CNTN4: variants seen among roughly 807,000 people sequenced by gnomAD.
The protein encoded by CNTN4 is contactin 4, also known as contactin-4.
A neutral mutation model predicts 122.5 loss-of-function variants in CNTN4; 77 were observed. The observed-to-expected ratio is 0.63, with a 90% CI of 0.52 to 0.76. The LOEUF (loss-of-function observed/expected upper bound fraction) is 0.76, where lower values mean the gene tolerates loss of function less well. Ranked by LOEUF, CNTN4 falls within the 30% of genes least tolerant of loss-of-function variation. CNTN4 has a pLI of 0.00. For synonymous variants in CNTN4, 512 were observed against 447.0 expected, an observed-to-expected ratio of 1.15 and a Z score of -1.83; for missense variants, 1,256 against 1,259.1, an observed-to-expected ratio of 1.00 and a Z score of 0.04.
chr3:2,377,415 A>C (rs2045862071), intron 3 of CNTN4, among the ~76,000 whole-genome samples: 1 of 152,188 alleles, frequency 6.6e-6, no homozygotes, highest in Non-Finnish European at 1.5e-5. Context: ...TTCCTCACCC[A>C]CACACAGGTT....
intron 7 of CNTN4, among the ~76,000 whole-genome samples, chr3:2,843,810 C>G (rs1023698365): frequency 1.3e-5 from 2 of 152,156 alleles, no homozygotes; most frequent in African/African-American, 4.8e-5. Context: ...AGCTAATTTT[C>G]TTATAAATTA....
intron 6 of CNTN4, among the ~76,000 whole-genome samples, chr3:2,811,579 G>T (rs1328553032): frequency 6.7e-6 from 1 of 150,138 alleles, no homozygotes; most frequent in Non-Finnish European, 1.5e-5. Flanking sequence ...TCCTGCCTCA[G>T]CGTCCCGAGT....
chr3:2,117,604 C>G (rs2033450621), intron 2 of CNTN4, among the ~76,000 whole-genome samples: 1 of 152,324 alleles, frequency 6.6e-6, no homozygotes, highest in African/African-American at 2.4e-5. Context: ...CATCCTGAAG[C>G]TACCCAGTAG....
intron 5 of CNTN4, among the ~76,000 whole-genome samples, chr3:2,740,095 G>A (rs2089375626): frequency 6.6e-6 from 1 of 152,074 alleles, no homozygotes; most frequent in South Asian, 2.1e-4. Flanking sequence ...AGTGGCTCAC[G>A]CCTGTAATCC....
chr3:2,531,887 C>A (rs2077610292), intron 3 of CNTN4, among the ~76,000 whole-genome samples: 1 of 152,118 alleles, frequency 6.6e-6, no homozygotes. Context: ...CAGAAATAAC[C>A]TGTGGCAGTG....
At chr3:2,281,599 T>C (rs2041717159) in intron 2 of CNTN4, among the ~76,000 whole-genome samples, 2 of 152,148 alleles carry the variant, frequency 1.3e-5, no homozygotes, top group Admixed American at 6.6e-5. Context: ...AATGTCATTA[T>C]ATACCAACTG....
At chr3:2,410,727 C>A (rs2047198174) in intron 3 of CNTN4, among the ~76,000 whole-genome samples, 1 of 152,132 alleles carries the variant, frequency 6.6e-6, no homozygotes. Flanking sequence ...TAGAATACAT[C>A]TCCTTTACTG....
chr3:2,925,243 T>C (rs1233730227), intron 12 of CNTN4, among the ~76,000 whole-genome samples: 3 of 152,166 alleles, frequency 2.0e-5, no homozygotes, highest in Non-Finnish European at 4.4e-5. Context: ...ATGACCAAGG[T>C]AGCAATAAGT....
chr3:2,561,282 C>T (rs533710847), intron 3 of CNTN4, among the ~76,000 whole-genome samples: 6 of 152,260 alleles, frequency 3.9e-5, no homozygotes, highest in South Asian at 4.1e-4. Context: ...TGGCACTCTG[C>T]AGCACACCAG....
At chr3:2,123,842 C>A (rs965699554) in intron 2 of CNTN4, among the ~76,000 whole-genome samples, 2 of 152,188 alleles carry the variant, frequency 1.3e-5, no homozygotes, top group African/African-American at 4.8e-5. Flanking sequence ...TAGCACTGGT[C>A]ATCCTGACTC....
intron 7 of CNTN4, among the ~76,000 whole-genome samples, chr3:2,833,208 A>G (rs12636421): frequency 0.47 from 70,707 of 151,886 alleles, 18,658 homozygotes; most frequent in East Asian, 0.8. Context: ...AAAGATGCCA[A>G]TGTTAAAAGA....
intron 2 of CNTN4, among the ~76,000 whole-genome samples, chr3:2,106,402 C>T (rs1309518343): frequency 3.9e-5 from 6 of 152,152 alleles, no homozygotes; most frequent in Non-Finnish European, 7.4e-5. Context: ...CCAGGCATTT[C>T]CGTACATCTA....
chr3:2,632,602 C>A (rs2082492353), intron 4 of CNTN4, among the ~76,000 whole-genome samples: 1 of 152,278 alleles, frequency 6.6e-6, no homozygotes, highest in East Asian at 1.9e-4. Context: ...ACAGTATTAT[C>A]CTTGAGCCTC....
In CNTN4 at chr3:2,291,110, C is replaced by T. The variant is rs868294794; in HGVS notation, c.-144-48068C>T. On this transcript the variant is annotated intron_variant, in intron 2 of 24. Coordinates refer to ENST00000418658, the MANE Select transcript of CNTN4 (RefSeq NM_175607.3). ...TCCATGGCCACTGAGAATCTAGACC[C>T]CATCACTGCAGATGTGATGATATTT... Among the ~76,000 whole-genome samples the T allele has an allele frequency of 3.4e-4, 51 of 152,192 alleles. 1 individual carries two copies. The highest frequency in any genetic ancestry group is 1.2e-3 in the African/African-American group (48 of 41,518).
chr3:3,033,437 T>G (rs1699348653), intron 16 of CNTN4, among the ~76,000 whole-genome samples: 1 of 152,232 alleles, frequency 6.6e-6, no homozygotes, highest in Non-Finnish European at 1.5e-5. Flanking sequence ...ACGTAAACGG[T>G]GAAGGAGTGA....
chr3:3,037,387 G>T, intron 18 of CNTN4, 59 bp downstream of exon 18: 2 of 1,610,816 alleles, frequency 1.2e-6, no homozygotes, highest in Non-Finnish European at 1.7e-6. Context: ...CTTAGGAAAA[G>T]CGTTTGAATT....
intron 4 of CNTN4, among the ~76,000 whole-genome samples, chr3:2,623,550 G>A (rs780036275): frequency 6.6e-5 from 10 of 152,318 alleles, no homozygotes; most frequent in Non-Finnish European, 8.8e-5. Flanking sequence ...GTGCAAACAA[G>A]CATGATGAAT....
chr3:2,132,896 G>A (rs889412137), intron 2 of CNTN4, among the ~76,000 whole-genome samples: 1 of 152,154 alleles, frequency 6.6e-6, no homozygotes, highest in African/African-American at 2.4e-5. Flanking sequence ...AAGTGACAGC[G>A]AGTCAAAGAA....
chr3:2,631,314 C>A (rs1407244045), intron 4 of CNTN4, among the ~76,000 whole-genome samples: 4 of 152,164 alleles, frequency 2.6e-5, no homozygotes, highest in African/African-American at 9.7e-5. Flanking sequence ...ATGCAGTTAA[C>A]AGAATGCTTC....
Sources: gnomAD v4.1 joint callset for allele counts (sites outside exome capture counted in the v4.1 genomes callset) on GRCh38, gnomAD v4.1.1 for gene constraint, MANE v1.5 for transcripts, NCBI Gene and HGNC (gene_info 2026-07-23, HGNC 2026-07-21) for gene names.